SPECC1L: variants seen among roughly 807,000 people sequenced by gnomAD.
SPECC1L encodes cytospin-A.
In SPECC1L, 40 loss-of-function variants were observed where a neutral mutation model predicts 116.8. The observed-to-expected ratio is 0.34, with a 90% CI of 0.27 to 0.45. SPECC1L has a LOEUF of 0.45. SPECC1L is among the 20% of genes least tolerant of loss of function. The pLI is 1.00. For missense variants in SPECC1L, 1,110 were observed against 1,373.6 expected (o/e 0.81, Z 3.03); for synonymous variants, 504 against 500.6 (o/e 1.01, Z -0.09).
At chr22:24,272,370 A>G (rs1480001987) in intron 1 of SPECC1L, among the ~76,000 whole-genome samples, 1 of 151,458 alleles carries the variant, frequency 6.6e-6, no homozygotes, top group Non-Finnish European at 1.5e-5. Flanking sequence ...GTCTCAAAAA[A>G]ACAAAAACCA....
intron 2 of SPECC1L, among the ~76,000 whole-genome samples, chr22:24,297,803 A>G (rs1055239508): frequency 1.4e-4 from 22 of 152,340 alleles, no homozygotes; most frequent in Middle Eastern, 3.4e-3. Context: ...TGTCCGATGT[A>G]TCCATGCTGT....
chr22:24,392,958 G>A (rs1338014656), intron 14 of SPECC1L, among the ~76,000 whole-genome samples: 1 of 152,176 alleles, frequency 6.6e-6, no homozygotes, highest in South Asian at 2.1e-4. Context: ...TTTGGTCTGC[G>A]CTTCCTCAAA....
intron 2 of SPECC1L, among the ~76,000 whole-genome samples, chr22:24,285,906 C>G (rs2049036024): frequency 6.6e-6 from 1 of 152,228 alleles, no homozygotes; most frequent in Non-Finnish European, 1.5e-5. Flanking sequence ...TCCCAAAGTT[C>G]TGGGATTACA....
chr22:24,329,062 T>C (rs957989523), intron 7 of SPECC1L, 143 bp downstream of exon 7: 1 of 708,192 alleles, frequency 1.4e-6, no homozygotes, highest in African/African-American at 1.8e-5. Context: ...AGAAAGCAAA[T>C]GCTATCATTT....
At chr22:24,358,678 C>T (rs937276698) in intron 11 of SPECC1L, among the ~76,000 whole-genome samples, 1 of 152,200 alleles carries the variant, frequency 6.6e-6, no homozygotes, top group African/African-American at 2.4e-5. Flanking sequence ...TTTCCAACTG[C>T]TATGGTTGTC....
chr22:24,311,804 C>CAAA lies in SPECC1L; in HGVS notation c.154-1487_154-1485dup, dbSNP rs915422222. Among the ~76,000 whole-genome samples the CAAA allele has an allele frequency of 9.6e-3, 444 of 46,454 alleles. 3 individuals are homozygous for CAAA. Among genetic ancestry groups the CAAA allele is most frequent in the Non-Finnish European group, 0.018 (367 of 19,842 alleles). 30.5% of individuals were successfully genotyped at this position (46,454 alleles called of 152,430 possible). ...TCGGTGACAGAGTGAGACTTTGTCT[C>CAAA]AAAAAAAAAAAAAAAAAAAAAAAAG... On this transcript the variant is annotated intron_variant, in intron 3 of 16. Transcript: ENST00000314328.
intron 2 of SPECC1L, among the ~76,000 whole-genome samples, chr22:24,298,638 G>GA (rs930980043): frequency 6.6e-6 from 1 of 152,188 alleles, no homozygotes; most frequent in African/African-American, 2.4e-5. Flanking sequence ...GCAGGCTTTA[G>GA]ACCCAAGGAA....
intron 3 of SPECC1L, among the ~76,000 whole-genome samples, chr22:24,309,408 A>T (rs1373800787): frequency 6.6e-6 from 1 of 151,552 alleles, no homozygotes; most frequent in Non-Finnish European, 1.5e-5. Context: ...CTGAAGTTCA[A>T]TTTTTTTTTC....
intron 16 of SPECC1L, 44 bp from the exon 17 acceptor site, chr22:24,414,490 G>T (rs2042764993): frequency 6.4e-7 from 1 of 1,557,358 alleles, no homozygotes; most frequent in Non-Finnish European, 8.8e-7. Flanking sequence ...GCACAGCCTG[G>T]AGGTGACCTG....
rs961855187 is a variant in SPECC1L at position 24,411,521 on chromosome 22, C to T, written c.3088-67C>T. ...ATGCAGCATCTGAGGCCTCCTGCGT[C>T]CTCCTTGGCATCTCCTAAGAGGGTC... On this transcript the variant is annotated intron_variant, in intron 14 of 16. Coordinates refer to ENST00000314328, the MANE Select transcript of SPECC1L (RefSeq NM_015330.6). 1.0e-5 allele frequency: 15 copies of T among 1,433,076 alleles called. No individual in the cohort carries two copies. The East Asian group carries it at 3.4e-4, about 33-fold the overall frequency. The allele number at this position is 1,433,076 out of a possible 1,614,324, so 88.8% of individuals were successfully genotyped here.
chr22:24,283,762 A>C (rs2048990635), intron 2 of SPECC1L, among the ~76,000 whole-genome samples: 2 of 152,240 alleles, frequency 1.3e-5, no homozygotes, highest in African/African-American at 2.4e-5. Flanking sequence ...CTATAGAGCT[A>C]TTCAAGTTAT....
chr22:24,350,246 T>C (rs763130451), intron 11 of SPECC1L, among the ~76,000 whole-genome samples: 1 of 152,094 alleles, frequency 6.6e-6, no homozygotes, highest in Admixed American at 6.6e-5. Context: ...GCTCTCCTTA[T>C]CACTGGTCCC....
intron 2 of SPECC1L, among the ~76,000 whole-genome samples, chr22:24,286,827 G>A (rs1215426996): frequency 6.6e-6 from 1 of 152,128 alleles, no homozygotes; most frequent in Non-Finnish European, 1.5e-5. Context: ...AGAATCATTT[G>A]AACCCTGCAG....
rs74378965 is a variant in SPECC1L, at chr22:24,283,239, C to T, written c.-38+6436C>T. ...GACTACTGGCGCTGGCCACCATGCCCGGCTAATTTTTTGTCTTTTTAGTAG... is the reference window on the plus strand; with the variant it reads ...GACTACTGGCGCTGGCCACCATGCCTGGCTAATTTTTTGTCTTTTTAGTAG... On this transcript the variant is annotated intron_variant, in intron 2 of 16. Coordinates refer to ENST00000314328, the MANE Select transcript of SPECC1L (RefSeq NM_015330.6). Among the ~76,000 whole-genome samples, 332 of 151,970 alleles carry T rather than the reference C, an allele frequency of 2.2e-3. 7 individuals are homozygous for T. The East Asian group carries it at 0.039, about 18-fold the overall frequency.
Position 24,365,642 on chromosome 22 carries a change from A to T in SPECC1L, c.2984+10A>T, listed in dbSNP as rs200192987. ...CCCGAAGCCGAATAAGGTAGAGAAC[A>T]GTTAATATTCATGCATTTCGTGTGT... is the stretch of plus-strand genomic sequence containing the variant. On this transcript the variant is annotated intron_variant, in intron 13 of 16. Transcript: ENST00000314328. 9.3e-6 allele frequency: 15 copies of T among 1,613,946 alleles called. No individual in the cohort carries two copies. Among genetic ancestry groups the T allele is most frequent in the Non-Finnish European group, 1.3e-5 (15 of 1,179,944 alleles).
Position 24,405,399 on chromosome 22 carries a change from C to T in SPECC1L, c.3088-6189C>T, listed in dbSNP as rs76082184. Among the ~76,000 whole-genome samples, 849 of 151,346 alleles carry T rather than the reference C, an allele frequency of 5.6e-3. 16 individuals are homozygous for T. The East Asian group carries it at 0.069, about 12-fold the overall frequency. Reference sequence around the variant, plus strand: ...AATATGATGAGGGTCAGCAGAATTGCGGCCACGTCCCCAGGAGCAGGGCTC... The same window carrying T: ...AATATGATGAGGGTCAGCAGAATTGTGGCCACGTCCCCAGGAGCAGGGCTC... On this transcript the variant is annotated intron_variant, in intron 14 of 16. Transcript: ENST00000314328.
chr22:24,318,010 T>G (rs893920827), intron 4 of SPECC1L, among the ~76,000 whole-genome samples: 1 of 137,438 alleles, frequency 7.3e-6, no homozygotes, highest in African/African-American at 2.8e-5. Context: ...GGATGGCGGC[T>G]GGGCAGAGAC....
rs200810244 is a variant in SPECC1L at position 24,324,329 on chromosome 22, G to A, written c.2048G>A (p.Arg683Lys). Reference sequence around the variant, plus strand: ...GACCTGGATGAAAAAGAAACAGAAAGGAGTGACATGAAAGAAACCATCTTT... The same window carrying A: ...GACCTGGATGAAAAAGAAACAGAAAAGAGTGACATGAAAGAAACCATCTTT... Reference protein sequence around the residue: ...RSDLDEKETERSDMKETIFEL... With the variant: ...RSDLDEKETEKSDMKETIFEL... The change falls in exon 6 of 17, where the codon AGG (arginine) becomes AAG (lysine). Residue 683 changes from arginine (R) to lysine (K), a missense_variant. Transcript: ENST00000314328. 39 of 1,613,976 alleles carry A rather than the reference G, an allele frequency of 2.4e-5. No homozygotes were observed. In the South Asian group the frequency reaches 3.2e-4, roughly 13 times the overall value.
At chr22:24,283,914 CCT>C (rs2048993209) in intron 2 of SPECC1L, among the ~76,000 whole-genome samples, 1 of 152,092 alleles carries the variant, frequency 6.6e-6, no homozygotes, top group African/African-American at 2.4e-5. Flanking sequence ...CTCTTATTTT[CCT>C]CTGATAGCTG....
Sources: gnomAD v4.1 joint callset for allele counts (sites outside exome capture counted in the v4.1 genomes callset) on GRCh38, gnomAD v4.1.1 for gene constraint, MANE v1.5 for transcripts, NCBI Gene and HGNC (gene_info 2026-07-23, HGNC 2026-07-21) for gene names.